Variants in GCH1 observed in about 807,000 individuals in gnomAD.
GCH1 encodes the protein GTP cyclohydrolase I.
Under a neutral mutation model 25.9 loss-of-function variants are expected in GCH1, and 5 were observed. The ratio of observed to expected loss-of-function variants is 0.19; its 90% CI spans 0.10 to 0.41. The LOEUF (loss-of-function observed/expected upper bound fraction) is 0.41. GCH1 is among the 10% of genes least tolerant of loss of function. GCH1 has a pLI of 1.00. For synonymous variants in GCH1, 159 were observed against 129.6 expected (o/e 1.23, Z -1.54); for missense variants, 261 against 336.5 (o/e 0.78, Z 1.75).
chr14:54,845,843 C>A lies in GCH1; in HGVS notation c.551G>T (p.Arg184Leu). The part of the protein sequence containing the change: ...IYSRRLQVQE[R>L]LTKQIAVAIT... Reference sequence around the variant, plus strand: ...TGCTACAGCAATTTGTTTTGTAAGGCGCTCCTGAACTGTGGATGTGATAAG... The same window carrying A: ...TGCTACAGCAATTTGTTTTGTAAGGAGCTCCTGAACTGTGGATGTGATAAG... The change falls in exon 5 of 6, where the codon CGC becomes CTC. Residue 184 changes from arginine to leucine, a missense_variant. Coordinates refer to ENST00000491895, the MANE Select transcript of GCH1 (RefSeq NM_000161.3). 1 of 1,594,910 alleles carries A rather than the reference C, an allele frequency of 6.3e-7. No homozygotes were observed. Among genetic ancestry groups the A allele is most frequent in the Non-Finnish European group, 8.6e-7 (1 of 1,162,458 alleles).
intron 1 of GCH1, among the ~76,000 whole-genome samples, chr14:54,900,793 G>A (rs2040553575): frequency 1.3e-5 from 2 of 150,616 alleles, no homozygotes; most frequent in Non-Finnish European, 2.9e-5. Context: ...TGTCTGCAAG[G>A]GGCAAAATGA....
At chr14:54,900,232 CAG>C (rs546775757) in intron 1 of GCH1, among the ~76,000 whole-genome samples, 23 of 148,762 alleles carry the variant, frequency 1.5e-4, no homozygotes, top group African/African-American at 5.2e-4. Flanking sequence ...TTTCTGGAGA[CAG>C]AGTCTCCCTC....
intron 1 of GCH1, among the ~76,000 whole-genome samples, chr14:54,875,872 A>T (rs1025627694): frequency 1.3e-5 from 2 of 152,244 alleles, no homozygotes; most frequent in African/African-American, 4.8e-5. Context: ...AATGTGGAGA[A>T]ACAGGAACAC....
chr14:54,871,027 T>A (rs1566671938), intron 1 of GCH1, among the ~76,000 whole-genome samples: 1 of 152,158 alleles, frequency 6.6e-6, no homozygotes, highest in East Asian at 1.9e-4. Context: ...CAGCCTGAGA[T>A]CTGAGAATGG....
chr14:54,883,112 G>A (rs1566678395), intron 1 of GCH1, among the ~76,000 whole-genome samples: 1 of 152,040 alleles, frequency 6.6e-6, no homozygotes, highest in East Asian at 1.9e-4. Flanking sequence ...GGTGGTTCAC[G>A]CCTGTAATCT....
At chr14:54,891,931 C>T (rs899216133) in intron 1 of GCH1, among the ~76,000 whole-genome samples, 1 of 152,168 alleles carries the variant, frequency 6.6e-6, no homozygotes, top group African/African-American at 2.4e-5. Context: ...TGGCCCTAAA[C>T]CACAAGAGTA....
At chr14:54,865,934 A>G (rs1454490525) in intron 1 of GCH1, among the ~76,000 whole-genome samples, 1 of 152,140 alleles carries the variant, frequency 6.6e-6, no homozygotes, top group East Asian at 1.9e-4. Flanking sequence ...AATTTTCTAC[A>G]TTTGTAAAGT....
intron 3 of GCH1, 42 bp from the exon 4 acceptor site, chr14:54,847,172 G>A: frequency 1.2e-6 from 1 of 810,162 alleles, no homozygotes; most frequent in Non-Finnish European, 2.0e-6. Flanking sequence ...CAAATCATTT[G>A]AAGTAAAATT....
intron 1 of GCH1, among the ~76,000 whole-genome samples, chr14:54,875,672 C>G (rs1486218140): frequency 6.6e-6 from 1 of 152,168 alleles, no homozygotes; most frequent in Non-Finnish European, 1.5e-5. Context: ...AGGATATGAA[C>G]AGACACTTCT....
In GCH1 at chr14:54,843,104, A is replaced by G; in HGVS notation, c.*913T>C. 1 of 1,469,656 alleles carries G rather than the reference A, an allele frequency of 6.8e-7. No individual in the cohort carries two copies. The highest frequency in any genetic ancestry group is 9.4e-7 in the Non-Finnish European group (1 of 1,065,156). The allele number at this position is 1,469,656 out of a possible 1,614,324, so 91.0% of individuals were successfully genotyped here. ...TGTTTCTGGAAATACTTAGAAAAAT[A>G]TCTTATAAGATTAAAAAAAAGAAGA... On this transcript the variant is annotated 3_prime_UTR_variant, in exon 6 of 6. Coordinates refer to ENST00000491895, the MANE Select transcript of GCH1 (RefSeq NM_000161.3).
In GCH1 at chr14:54,855,505, C is replaced by CAAAAAAAAAAAAAAAAAAAAAAAAA. The variant is rs764999718; in HGVS notation, c.509+4175_509+4176insTTTTTTTTTTTTTTTTTTTTTTTTT. On this transcript the variant is annotated intron_variant, in intron 3 of 5. Coordinates refer to ENST00000491895, the MANE Select transcript of GCH1 (RefSeq NM_000161.3). ...TGGGCGACAGAGAAAGACCCTGTCT[C>CAAAAAAAAAAAAAAAAAAAAAAAAA]AAAAAAAAAAAAAAAAAAAAAAAAG... 8.2e-5 allele frequency among the ~76,000 whole-genome samples: 3 copies of CAAAAAAAAAAAAAAAAAAAAAAAAA among 36,418 alleles called. 1 individual carries two copies. Among genetic ancestry groups the CAAAAAAAAAAAAAAAAAAAAAAAAA allele is most frequent in the African/African-American group, 3.5e-4 (2 of 5,646 alleles). 23.9% of individuals were successfully genotyped at this position (36,418 alleles called of 152,430 possible).
At chr14:54,856,870 TC>T (rs1341023933) in intron 3 of GCH1, among the ~76,000 whole-genome samples, 4 of 152,244 alleles carry the variant, frequency 2.6e-5, no homozygotes, top group Non-Finnish European at 5.9e-5. Context: ...TTGAGCCAGA[TC>T]AACTCACTTC....
At chr14:54,860,538 CTTT>C (rs869140517) in intron 2 of GCH1, among the ~76,000 whole-genome samples, 1 of 134,178 alleles carries the variant, frequency 7.5e-6, no homozygotes. Flanking sequence ...CACCATCTTC[CTTT>C]TTTTTTTTTT....
At position 54,845,784 on chromosome 14, in the gene GCH1, C is replaced by T. The variant is rs200891969; in HGVS notation, c.610G>A (p.Val204Ile). ...TEALRPAGVG[V>I]VVEATHMCMV... is the part of the protein sequence containing the mutation. ...CAGACTTACGTTGCTTCAACCACTA[C>T]CCCGACTCCAGCAGGCCGCAAGGCT... The change falls in exon 5 of 6, where the codon GTA becomes ATA. Residue 204 changes from valine to isoleucine, a missense_variant. Val to Ile is a conservative substitution (Grantham distance 29, BLOSUM62 3). Coordinates refer to ENST00000491895, the MANE Select transcript of GCH1 (RefSeq NM_000161.3). The T allele has an allele frequency of 2.0e-4, 324 of 1,600,850 alleles. 1 individual carries two copies. The highest frequency in any genetic ancestry group is 1.1e-3 in the South Asian group (102 of 90,822).
intron 1 of GCH1, among the ~76,000 whole-genome samples, chr14:54,881,197 A>T (rs1054678461): frequency 1.3e-5 from 2 of 152,082 alleles, no homozygotes; most frequent in Non-Finnish European, 2.9e-5. Flanking sequence ...AAATAAAAAA[A>T]TTTTAAAAAG....
At chr14:54,898,716 T>A (rs1307740741) in intron 1 of GCH1, among the ~76,000 whole-genome samples, 1 of 152,176 alleles carries the variant, frequency 6.6e-6, no homozygotes, top group Non-Finnish European at 1.5e-5. Flanking sequence ...ACCTTCTGGG[T>A]TCAAGTGATT....
At chr14:54,846,803 G>GT (rs1435768957) in intron 4 of GCH1, among the ~76,000 whole-genome samples, 1 of 152,220 alleles carries the variant, frequency 6.6e-6, no homozygotes, top group African/African-American at 2.4e-5. Flanking sequence ...GCTCATGCCT[G>GT]TAATCCCAGC....
intron 2 of GCH1, among the ~76,000 whole-genome samples, chr14:54,862,604 T>TTTC (rs1396727277): frequency 1.6e-5 from 2 of 126,446 alleles, no homozygotes; most frequent in East Asian, 5.1e-4. Flanking sequence ...TTTTTTTTTT[T>TTTC]TTTGGTTGGT....
In GCH1 at chr14:54,845,772, C is replaced by T; in HGVS notation, c.622G>A (p.Ala208Thr). The T allele has an allele frequency of 1.3e-6, 2 of 1,579,064 alleles. No homozygotes were observed. The highest frequency in any genetic ancestry group is 1.7e-6 in the Non-Finnish European group (2 of 1,147,992). Residue 208 changes from alanine to threonine, a missense_variant, in exon 5 of 6, where the codon GCA becomes ACA. This residue lies in a region of GCH1 where 130 missense variants were observed against 184.1 expected (regional missense o/e 0.71). Coordinates refer to ENST00000491895, the MANE Select transcript of GCH1 (RefSeq NM_000161.3). ...RPAGVGVVVEATHMCMVMRGV... is the reference protein window; with the variant it reads ...RPAGVGVVVETTHMCMVMRGV... ...TAAAGGCAGATGCAGACTTACGTTGCTTCAACCACTACCCCGACTCCAGCA... is the reference window on the plus strand; with the variant it reads ...TAAAGGCAGATGCAGACTTACGTTGTTTCAACCACTACCCCGACTCCAGCA...
Sources: gnomAD v4.1 joint callset for allele counts (sites outside exome capture counted in the v4.1 genomes callset) on GRCh38, gnomAD v4.1.1 for gene constraint, gnomAD v4.1.1 regional missense constraint, MANE v1.5 for transcripts, NCBI Gene and HGNC (gene_info 2026-07-23, HGNC 2026-07-21) for gene names.